The following STIM1 variants were observed in gnomAD, a reference collection of about 807,000 sequenced individuals.
The protein encoded by STIM1 is stromal interaction molecule 1.
STIM1 carries 25 observed loss-of-function variants against 74.7 expected under a neutral mutation model. That is an observed-to-expected ratio of 0.33 (90% confidence interval 0.24 to 0.47). The LOEUF is 0.47. Ranked by LOEUF, STIM1 falls within the 20% of genes least tolerant of loss-of-function variation. STIM1 has a pLI of 1.00. For synonymous variants in STIM1, 328 were observed against 348.8 expected (o/e 0.94, Z 0.66); for missense variants, 728 against 920.8 (o/e 0.79, Z 2.71).
chr11:3,965,831 C>A (rs1453182207), intron 1 of STIM1, among the ~76,000 whole-genome samples: 1 of 151,728 alleles, frequency 6.6e-6, no homozygotes, highest in Non-Finnish European at 1.5e-5. Context: ...CATGCTGAAA[C>A]CCCGTCTCTA....
intron 2 of STIM1, among the ~76,000 whole-genome samples, chr11:4,018,457 T>C (rs1590652349): frequency 9.9e-5 from 1 of 10,100 alleles, no homozygotes; most frequent in Non-Finnish European, 2.2e-4. Flanking sequence ...AGACTCCGTC[T>C]CAAAAAAAAA....
chr11:4,036,975 G>A (rs963092619), intron 3 of STIM1, among the ~76,000 whole-genome samples: 1 of 152,080 alleles, frequency 6.6e-6, no homozygotes, highest in Admixed American at 6.6e-5. Flanking sequence ...GGTCATGTTG[G>A]TTGATGGTAT....
At chr11:3,956,439 A>G (rs2093213497) in intron 1 of STIM1, among the ~76,000 whole-genome samples, 1 of 152,214 alleles carries the variant, frequency 6.6e-6, no homozygotes, top group African/African-American at 2.4e-5. Context: ...GAACTTAACT[A>G]GTTCAAGTGC....
At chr11:3,881,247 CCT>C (rs932374296) in intron 1 of STIM1, among the ~76,000 whole-genome samples, 4 of 151,988 alleles carry the variant, frequency 2.6e-5, no homozygotes, top group African/African-American at 9.7e-5. Flanking sequence ...CCTAATTCCC[CCT>C]CTCCCTTTCC....
chr11:3,930,674 T>A lies in STIM1; in HGVS notation c.140-36878T>A, dbSNP rs140998780. On this transcript the variant is annotated intron_variant, in intron 1 of 12. Transcript: ENST00000526596. ...GCGTACAAGGCATTCAGAATTAGGG[T>A]TCCTGCTTCATCCCATTTTATCTCT... is the stretch of plus-strand genomic sequence containing the variant. Among the ~76,000 whole-genome samples, 16 of 152,296 alleles carry A rather than the reference T, an allele frequency of 1.1e-4. No individual in the cohort carries two copies. In the East Asian group the frequency reaches 3.1e-3, roughly 29 times the overall value.
chr11:4,052,271 G>A (rs947118185), intron 3 of STIM1, among the ~76,000 whole-genome samples: 1 of 151,952 alleles, frequency 6.6e-6, no homozygotes, highest in African/African-American at 2.4e-5. Flanking sequence ...AAGTTCATAT[G>A]GAACCAAAAA....
chr11:3,911,169 C>G (rs2092556725), intron 1 of STIM1, among the ~76,000 whole-genome samples: 1 of 152,152 alleles, frequency 6.6e-6, no homozygotes, highest in Non-Finnish European at 1.5e-5. Context: ...AAGCATGTGT[C>G]CTTGTCCATC....
At chr11:4,054,790 G>A (rs2094275559) in intron 3 of STIM1, among the ~76,000 whole-genome samples, 1 of 152,128 alleles carries the variant, frequency 6.6e-6, no homozygotes, top group Non-Finnish European at 1.5e-5. Context: ...TCTGTATTGA[G>A]TGCCCTCCTC....
intron 12 of STIM1, among the ~76,000 whole-genome samples, chr11:4,088,210 C>CT (rs1320886998): frequency 1.3e-5 from 2 of 152,152 alleles, no homozygotes; most frequent in African/African-American, 4.8e-5. Flanking sequence ...AGATAGTAGC[C>CT]TTGACCTTGC....
chr11:3,901,223 A>G (rs1245102879), intron 1 of STIM1, among the ~76,000 whole-genome samples: 1 of 152,180 alleles, frequency 6.6e-6, no homozygotes, highest in East Asian at 1.9e-4. Context: ...TGTCAGTATC[A>G]GGTGAAATGG....
chr11:3,994,693 C>T (rs2093647341), intron 2 of STIM1, among the ~76,000 whole-genome samples: 1 of 152,090 alleles, frequency 6.6e-6, no homozygotes, highest in African/African-American at 2.4e-5. Flanking sequence ...CTCCTGGCCC[C>T]AAGCAATCCA....
chr11:3,895,739 T>TTTC (rs1565105395), intron 1 of STIM1, among the ~76,000 whole-genome samples: 2 of 33,568 alleles, frequency 6.0e-5, no homozygotes, highest in South Asian at 2.4e-3. Flanking sequence ...TCTTTCTTTT[T>TTTC]CTTTCTTCCT....
intron 3 of STIM1, among the ~76,000 whole-genome samples, chr11:4,034,261 A>AC (rs2094079965): frequency 7.4e-6 from 1 of 135,628 alleles, no homozygotes; most frequent in Non-Finnish European, 1.7e-5. Flanking sequence ...AAATAACAAA[A>AC]TTATATATAT....
chr11:3,967,817 G>A (rs2093353925), intron 2 of STIM1, 135 bp downstream of exon 2: 7 of 1,315,042 alleles, frequency 5.3e-6, no homozygotes, highest in Non-Finnish European at 7.5e-6. Context: ...CCCTATCAGG[G>A]AAGATGGCTC....
Position 4,070,058 on chromosome 11 carries a change from C to A in STIM1, c.646C>A (p.Leu216Met). The A allele has an allele frequency of 6.2e-7, 1 of 1,614,196 alleles. No individual in the cohort carries two copies. Among genetic ancestry groups the A allele is most frequent in the Non-Finnish European group, 8.5e-7 (1 of 1,180,046 alleles). ...TRHNHLKDFM[L>M]VVSIVIGVGG... ...CCATAATCACCTCAAGGACTTCATGCTGGTGGTGTCTATCGTTATTGGTGT... is the reference window on the plus strand; with the variant it reads ...CCATAATCACCTCAAGGACTTCATGATGGTGGTGTCTATCGTTATTGGTGT... The change falls in exon 6 of 13, where the codon CTG becomes ATG. Residue 216 changes from leucine to methionine, a missense_variant. Coordinates refer to ENST00000526596, the MANE Select transcript of STIM1 (RefSeq NM_001382567.1).
In STIM1 at chr11:4,036,422, G is replaced by T. The variant is rs1045703061; in HGVS notation, c.385+12435G>T. Reference sequence around the variant, plus strand: ...GTATTTCTGCTTCTAGATCTTTGAGGAATCACCACAGTGTCTTCCACAATG... The same window carrying T: ...GTATTTCTGCTTCTAGATCTTTGAGTAATCACCACAGTGTCTTCCACAATG... On this transcript the variant is annotated intron_variant, in intron 3 of 12. Transcript: ENST00000526596. Among the ~76,000 whole-genome samples, 6 of 152,274 alleles carry T rather than the reference G, an allele frequency of 3.9e-5. No individual in the cohort carries two copies. In the East Asian group the frequency reaches 1.2e-3, roughly 29 times the overall value.
chr11:3,938,415 T>C lies in STIM1; in HGVS notation c.140-29137T>C, dbSNP rs545634908. 5.6e-4 allele frequency among the ~76,000 whole-genome samples: 85 copies of C among 152,322 alleles called. 1 individual carries two copies. The South Asian group carries it at 0.016, about 29-fold the overall frequency. The stretch of plus-strand genomic sequence containing the variant: ...CACAAAATATCCTGTTGTATCCTTT[T>C]CCCCAAGAGCAATGTGTGCTCATTT... On this transcript the variant is annotated intron_variant, in intron 1 of 12. Transcript: ENST00000526596.
intron 1 of STIM1, among the ~76,000 whole-genome samples, chr11:3,894,553 T>C (rs1283954642): frequency 6.6e-6 from 1 of 152,134 alleles, no homozygotes; most frequent in Admixed American, 6.5e-5. Flanking sequence ...TACCCCTTAT[T>C]CCATAGCCTA....
intron 5 of STIM1, among the ~76,000 whole-genome samples, chr11:4,069,806 C>G (rs1202724834): frequency 6.6e-6 from 1 of 152,172 alleles, no homozygotes; most frequent in African/African-American, 2.4e-5. Flanking sequence ...TGCTGTAAGG[C>G]CTCTCATTTC....
Sources: allele counts gnomAD v4.1 joint callset (sites outside exome capture counted in the v4.1 genomes callset), GRCh38; gene constraint gnomAD v4.1.1; transcripts MANE v1.5; gene names NCBI Gene and HGNC (gene_info 2026-07-23, HGNC 2026-07-21).